IGSF9B: variants seen among roughly 807,000 people sequenced by gnomAD.
IGSF9B encodes the protein protein turtle homolog B.
In IGSF9B, 48 loss-of-function variants were observed where a neutral mutation model predicts 143.7. The observed-to-expected ratio is 0.33, with a 90% CI of 0.26 to 0.42. The LOEUF (loss-of-function observed/expected upper bound fraction) is 0.42, where lower values mean the gene tolerates loss of function less well. Ranked by LOEUF, IGSF9B falls within the 20% of genes least tolerant of loss-of-function variation. The pLI is 1.00. For missense variants in IGSF9B, 1,706 were observed against 1,980.0 expected (o/e 0.86, Z 2.63); for synonymous variants, 903 against 833.1 (o/e 1.08, Z -1.44).
At chr11:133,930,404 CT>C (rs1355920225) in intron 11 of IGSF9B, among the ~76,000 whole-genome samples, 1 of 152,180 alleles carries the variant, frequency 6.6e-6, no homozygotes, top group Non-Finnish European at 1.5e-5. Context: ...GAACCTAAAA[CT>C]GGTGGTAAAG....
chr11:133,949,724 C>A (rs1265153873), intron 1 of IGSF9B, among the ~76,000 whole-genome samples: 2 of 150,024 alleles, frequency 1.3e-5, no homozygotes, highest in Non-Finnish European at 3.0e-5. Context: ...GGGGGAGGGG[C>A]TGGCTCCTGA....
rs113939999 is a variant in IGSF9B, at chr11:133,947,581, G to A, written c.65-1323C>T. Among the ~76,000 whole-genome samples the A allele has an allele frequency of 3.1e-3, 465 of 152,298 alleles. 6 individuals carry two copies. Among genetic ancestry groups the A allele is most frequent in the East Asian group, 0.018 (93 of 5,176 alleles). On this transcript the variant is annotated intron_variant, in intron 1 of 19. Coordinates refer to ENST00000533871, the MANE Select transcript of IGSF9B (RefSeq NM_001277285.4). Reference sequence around the variant, plus strand: ...CTGCCATTCCCCATTCCGGTGCCTCGGTCTGACTCTCTCTGCATCTCGGAC... The same window carrying A: ...CTGCCATTCCCCATTCCGGTGCCTCAGTCTGACTCTCTCTGCATCTCGGAC...
In IGSF9B at chr11:133,956,827, A is replaced by C. The variant is rs1940266529; in HGVS notation, c.-73T>G. On this transcript the variant is annotated 5_prime_UTR_variant, in exon 1 of 20. Coordinates refer to ENST00000533871, the MANE Select transcript of IGSF9B (RefSeq NM_001277285.4). ...CGCGCCCGCACGCGCCTCGCGCCCG[A>C]GCGCCCGCCTCGCGCCCGCCTCGCG... is the stretch of plus-strand genomic sequence containing the variant. 2.1e-6 allele frequency: 2 copies of C among 972,048 alleles called. No individual in the cohort carries two copies. The highest frequency in any genetic ancestry group is 2.8e-6 in the Non-Finnish European group (2 of 722,310). The allele number at this position is 972,048 out of a possible 1,614,324, so 60.2% of individuals were successfully genotyped here. A position where few individuals can be genotyped will look rare whatever the true frequency, so the allele number is the denominator to read the frequency against.
In IGSF9B at chr11:133,928,338, C is replaced by T. The variant is rs1196011670; in HGVS notation, c.1632-1247G>A. 1.3e-5 allele frequency among the ~76,000 whole-genome samples: 2 copies of T among 152,208 alleles called. No homozygotes were observed. Among genetic ancestry groups the T allele is most frequent in the South Asian group, 2.1e-4 (1 of 4,832 alleles). The stretch of plus-strand genomic sequence containing the variant: ...GGGGACGGGAGGTGAGCTGCGGCAA[C>T]TCCCATCATCCAGGTGCAGTTCTCC... On this transcript the variant is annotated intron_variant, in intron 12 of 19. Coordinates refer to ENST00000533871, the MANE Select transcript of IGSF9B (RefSeq NM_001277285.4). This position sits in a 1 kb window ranked among gnomAD's most constrained non-coding sequence, Gnocchi z 4.7.
In IGSF9B at chr11:133,920,620, G is replaced by C. The variant is rs536988410; in HGVS notation, c.3105C>G (p.Arg1035=). 1.6e-5 allele frequency: 26 copies of C among 1,613,404 alleles called. No individual in the cohort carries two copies. The Admixed American group carries it at 2.0e-4, about 12-fold the overall frequency. The change falls in exon 18 of 20, where the codon CGC becomes CGG. Residue 1035 remains arginine, a synonymous_variant. Coordinates refer to ENST00000533871, the MANE Select transcript of IGSF9B (RefSeq NM_001277285.4). The part of the protein sequence containing the change: ...LPLTQTPTGG[R]SPEPWGRPEF... The stretch of plus-strand genomic sequence containing the variant: ...CTGGCCGGCCCCAGGGCTCAGGGGA[G>C]CGCCCTCCTGTAGGTGTCTGAGTCA...
At chr11:133,915,250 A>ACTT (rs1252591298) in intron 18 of IGSF9B, among the ~76,000 whole-genome samples, 1 of 148,278 alleles carries the variant, frequency 6.7e-6, no homozygotes, top group Non-Finnish European at 1.5e-5. Flanking sequence ...ATTGCCTGGA[A>ACTT]CTTACTTCTC....
rs760587799 is a variant in IGSF9B at position 133,901,876 on chromosome 11, CCACA to C, written c.*7189_*7192del. On this transcript the variant is annotated 3_prime_UTR_variant, in exon 20 of 20. Coordinates refer to ENST00000533871, the MANE Select transcript of IGSF9B (RefSeq NM_001277285.4). The stretch of plus-strand genomic sequence containing the variant: ...GCACCACACACGCACCACACACGCA[CCACA>C]CACACACACAACACACACACAACAC... Among the ~76,000 whole-genome samples the C allele has an allele frequency of 5.6e-5, 8 of 142,268 alleles. No homozygotes were observed. The South Asian group carries it at 9.2e-4, about 16-fold the overall frequency. 93.3% of individuals were successfully genotyped at this position (142,268 alleles called of 152,430 possible). A position where few individuals can be genotyped will look rare whatever the true frequency, so the allele number is the denominator to read the frequency against.
chr11:133,905,351 C>G lies in IGSF9B; in HGVS notation c.*3718G>C, dbSNP rs967466984. Among the ~76,000 whole-genome samples the G allele has an allele frequency of 6.6e-6, 1 of 151,976 alleles. No homozygotes were observed. The highest frequency in any genetic ancestry group is 6.6e-5 in the Admixed American group (1 of 15,246). On this transcript the variant is annotated 3_prime_UTR_variant, in exon 20 of 20. Transcript: ENST00000533871. This position sits in a 1 kb window ranked among gnomAD's most constrained non-coding sequence, Gnocchi z 4.0. Reference sequence around the variant, plus strand: ...CAGATCGTGGGCAGTGCCAAAGATGCTGGAGGCTCCGTGAAATCTGTTTCT... The same window carrying G: ...CAGATCGTGGGCAGTGCCAAAGATGGTGGAGGCTCCGTGAAATCTGTTTCT...
In IGSF9B at chr11:133,904,120, A is replaced by G. The variant is rs1349735183; in HGVS notation, c.*4949T>C. On this transcript the variant is annotated 3_prime_UTR_variant, in exon 20 of 20. Coordinates refer to ENST00000533871, the MANE Select transcript of IGSF9B (RefSeq NM_001277285.4). ...CCTCACGAAGCCACTGTGCAACTTC[A>G]TGGCCGGAAGGAAGCCTCTCTACCT... 6.6e-6 allele frequency among the ~76,000 whole-genome samples: 1 copy of G among 152,194 alleles called. No homozygotes were observed. The highest frequency in any genetic ancestry group is 2.4e-5 in the African/African-American group (1 of 41,450).
rs1314867156 is a variant in IGSF9B, at chr11:133,903,421, C to T, written c.*5648G>A. On this transcript the variant is annotated 3_prime_UTR_variant, in exon 20 of 20. Transcript: ENST00000533871. ...GCTTTTCACCAGCTCTCGTCCGAAA[C>T]CCTAACTACTACTACTGTCTTCTAC... Among the ~76,000 whole-genome samples, 1 of 152,112 alleles carries T rather than the reference C, an allele frequency of 6.6e-6. No individual in the cohort carries two copies. Among genetic ancestry groups the T allele is most frequent in the Non-Finnish European group, 1.5e-5 (1 of 68,030 alleles).
At position 133,936,089 on chromosome 11, in the gene IGSF9B, G is replaced by T. The variant is rs770124838; in HGVS notation, c.785C>A (p.Thr262Asn). Residue 262 changes from threonine (T) to asparagine (N), a missense_variant, in exon 6 of 20, where the codon ACC becomes AAC. Around this residue, in one of 7 missense-constraint regions of IGSF9B, gnomAD observed 238 missense variants for 452.6 expected, o/e 0.53. Transcript: ENST00000533871. ...AEAYPGNLTYTWYWQDENVYF... is the reference protein window; with the variant it reads ...AEAYPGNLTYNWYWQDENVYF... ...GACGTTCTCGTCCTGCCAGTACCAG[G>T]TGTAGGTGAGGTTGCCCGGATACGC... 6 of 1,613,764 alleles carry T rather than the reference G, an allele frequency of 3.7e-6. No homozygotes were observed. Among genetic ancestry groups the T allele is most frequent in the Non-Finnish European group, 5.1e-6 (6 of 1,179,794 alleles).
In IGSF9B at chr11:133,901,873, G is replaced by A. The variant is rs1384194440; in HGVS notation, c.*7196C>T. On this transcript the variant is annotated 3_prime_UTR_variant, in exon 20 of 20. Coordinates refer to ENST00000533871, the MANE Select transcript of IGSF9B (RefSeq NM_001277285.4). ...CACGCACCACACACGCACCACACACGCACCACACACACACACAACACACAC... is the reference window on the plus strand; with the variant it reads ...CACGCACCACACACGCACCACACACACACCACACACACACACAACACACAC... Among the ~76,000 whole-genome samples, 2 of 89,036 alleles carry A rather than the reference G, an allele frequency of 2.2e-5. No individual in the cohort carries two copies. The highest frequency in any genetic ancestry group is 4.5e-5 in the African/African-American group (1 of 22,234). 58.4% of individuals were successfully genotyped at this position (89,036 alleles called of 152,430 possible).
At chr11:133,919,202 G>T in intron 18 of IGSF9B, 1 of 384,060 alleles carries the variant, frequency 2.6e-6, no homozygotes, top group South Asian at 1.9e-5. Flanking sequence ...CTGAGGAGGG[G>T]GCTGGAGTCC....
At position 133,935,722 on chromosome 11, in the gene IGSF9B, G is replaced by A; in HGVS notation, c.862C>T (p.Leu288=). The A allele has an allele frequency of 6.2e-7, 1 of 1,611,654 alleles. No individual in the cohort carries two copies. Among genetic ancestry groups the A allele is most frequent in the Non-Finnish European group, 8.5e-7 (1 of 1,179,152 alleles). ...TCCGGCTTCACCCGGAAGATGATCA[G>A]GGTCCCATCGATTAGGATGCGCACC... ...LRVRILIDGT[L]IIFRVKPEDS... The change falls in exon 7 of 20, where the codon CTG becomes TTG. Residue 288 remains leucine (L), a synonymous_variant. Transcript: ENST00000533871.
At chr11:133,936,008 G>A in intron 6 of IGSF9B, 45 bp downstream of exon 6, 1 of 1,603,202 alleles carries the variant, frequency 6.2e-7, no homozygotes, top group Non-Finnish European at 8.5e-7. Flanking sequence ...TGCCCGTGGG[G>A]GCTGGGGTGG....
intron 6 of IGSF9B, 79 bp downstream of exon 6, chr11:133,935,974 C>G: frequency 6.5e-7 from 1 of 1,531,280 alleles, no homozygotes; most frequent in South Asian, 1.2e-5. Context: ...GCAGCCTGCC[C>G]GTGCAATTTC....
intron 18 of IGSF9B, among the ~76,000 whole-genome samples, chr11:133,918,059 G>A (rs1413408694): frequency 2.0e-5 from 3 of 148,148 alleles, no homozygotes; most frequent in African/African-American, 2.5e-5. Context: ...GGGGTGGGGG[G>A]CAGAAGCTGC....
chr11:133,928,855 A>C lies in IGSF9B; in HGVS notation c.1631+816T>G, dbSNP rs184603067. 3.1e-3 allele frequency among the ~76,000 whole-genome samples: 476 copies of C among 152,306 alleles called. 2 individuals are homozygous for C. The highest frequency in any genetic ancestry group is 0.011 in the African/African-American group (447 of 41,576). ...CATCTGGCTAAACTGACAACAGAGGAATGAAAACAATCGAGAAACACATGG... is the reference window on the plus strand; with the variant it reads ...CATCTGGCTAAACTGACAACAGAGGCATGAAAACAATCGAGAAACACATGG... On this transcript the variant is annotated intron_variant, in intron 12 of 19. Coordinates refer to ENST00000533871, the MANE Select transcript of IGSF9B (RefSeq NM_001277285.4). The surrounding 1 kb of genome is among the most constrained non-coding windows in gnomAD (Gnocchi z 4.7).
intron 16 of IGSF9B, 31 bp downstream of exon 16, chr11:133,922,538 G>T: frequency 6.3e-7 from 1 of 1,596,284 alleles, no homozygotes; most frequent in Non-Finnish European, 8.6e-7. Context: ...AACCGGGCCA[G>T]GGAGAGCAAG....
Sources: gnomAD v4.1 joint callset for allele counts (sites outside exome capture counted in the v4.1 genomes callset) on GRCh38, gnomAD v4.1.1 for gene constraint, gnomAD v4.1.1 regional missense constraint, Gnocchi (gnomAD v3.1) non-coding constraint, MANE v1.5 for transcripts, NCBI Gene and HGNC (gene_info 2026-07-23, HGNC 2026-07-21) for gene names.